The following PDE7A variants were observed in gnomAD, a reference collection of about 807,000 sequenced individuals.
The protein encoded by PDE7A is high affinity 3',5'-cyclic-AMP phosphodiesterase 7A.
In PDE7A, 39 loss-of-function variants were observed where a neutral mutation model predicts 64.3. The ratio of observed to expected loss-of-function variants is 0.61; its 90% confidence interval spans 0.47 to 0.79. PDE7A has a LOEUF of 0.79. PDE7A is among the 30% of genes least tolerant of loss of function. The pLI is 0.00. For synonymous variants in PDE7A, 203 were observed against 206.8 expected (o/e 0.98, Z 0.16); for missense variants, 470 against 582.8 (o/e 0.81, Z 1.99).
At chr8:65,810,949 C>T (rs929261017) in intron 1 of PDE7A, among the ~76,000 whole-genome samples, 2 of 152,056 alleles carry the variant, frequency 1.3e-5, no homozygotes, top group African/African-American at 2.4e-5. Flanking sequence ...TGCCCACATA[C>T]AACCAATTAG....
intron 9 of PDE7A, chr8:65,725,568 A>G (rs1480314781): frequency 2.0e-5 from 3 of 153,292 alleles, no homozygotes; most frequent in African/African-American, 7.2e-5. Context: ...ACTGCCTCAG[A>G]TCAATTAACA....
intron 1 of PDE7A, among the ~76,000 whole-genome samples, chr8:65,829,080 A>C (rs916251909): frequency 6.6e-6 from 1 of 152,114 alleles, no homozygotes; most frequent in African/African-American, 2.4e-5. Context: ...AAGAATTTAC[A>C]CAAAAAGTAA....
At chr8:65,756,807 T>C (rs1424883791) in intron 3 of PDE7A, among the ~76,000 whole-genome samples, 1 of 152,076 alleles carries the variant, frequency 6.6e-6, no homozygotes, top group Non-Finnish European at 1.5e-5. Flanking sequence ...TTCCTGTATG[T>C]TTTGTATTTT....
intron 1 of PDE7A, among the ~76,000 whole-genome samples, chr8:65,830,660 T>C (rs576830991): frequency 6.6e-6 from 1 of 152,274 alleles, no homozygotes; most frequent in South Asian, 2.1e-4. Flanking sequence ...GTTTTGATTG[T>C]CTACTGGACA....
chr8:65,757,616 G>C (rs902232695), intron 3 of PDE7A, among the ~76,000 whole-genome samples: 1 of 151,914 alleles, frequency 6.6e-6, no homozygotes, highest in African/African-American at 2.4e-5. Flanking sequence ...GTTTTGTTTT[G>C]TTTTGTTTTG....
At chr8:65,784,165 C>G (rs1330017984) in intron 1 of PDE7A, among the ~76,000 whole-genome samples, 1 of 152,020 alleles carries the variant, frequency 6.6e-6, no homozygotes, top group African/African-American at 2.4e-5. Flanking sequence ...GCTAGGATGG[C>G]ACCACTGCAC....
intron 1 of PDE7A, among the ~76,000 whole-genome samples, chr8:65,803,028 C>A (rs986422836): frequency 5.9e-5 from 9 of 152,190 alleles, no homozygotes; most frequent in African/African-American, 2.2e-4. Flanking sequence ...ATTGAAAGCT[C>A]CCTGAGGCTT....
chr8:65,748,766 G>C (rs1390971255), intron 3 of PDE7A, among the ~76,000 whole-genome samples: 1 of 152,050 alleles, frequency 6.6e-6, no homozygotes, highest in Non-Finnish European at 1.5e-5. Flanking sequence ...TGTGTATAAT[G>C]GCAATAATAT....
At chr8:65,737,743 T>C (rs1442355322) in intron 6 of PDE7A, among the ~76,000 whole-genome samples, 2 of 152,178 alleles carry the variant, frequency 1.3e-5, no homozygotes, top group Non-Finnish European at 2.9e-5. Context: ...GGTTTTGAAC[T>C]CCTGGCCTCA....
chr8:65,773,220 C>A (rs1456746888), intron 3 of PDE7A, among the ~76,000 whole-genome samples: 1 of 152,026 alleles, frequency 6.6e-6, no homozygotes, highest in African/African-American at 2.4e-5. Flanking sequence ...GAATTCCAAG[C>A]TGTGTGATAA....
chr8:65,818,611 T>C (rs1478134061), intron 1 of PDE7A, among the ~76,000 whole-genome samples: 1 of 152,162 alleles, frequency 6.6e-6, no homozygotes, highest in Admixed American at 6.5e-5. Flanking sequence ...CATTCAAAGT[T>C]CAGCCTGTTT....
At chr8:65,733,136 A>C (rs1806969880) in intron 7 of PDE7A, among the ~76,000 whole-genome samples, 1 of 152,216 alleles carries the variant, frequency 6.6e-6, no homozygotes, top group Admixed American at 6.5e-5. Context: ...GAGTATGTTA[A>C]GGATGAAAAG....
chr8:65,778,479 CAT>C (rs1809319775), intron 3 of PDE7A, among the ~76,000 whole-genome samples: 1 of 152,138 alleles, frequency 6.6e-6, no homozygotes, highest in Non-Finnish European at 1.5e-5. Context: ...CTGTCTGAAC[CAT>C]TCCAATCAAA....
At chr8:65,764,522 T>A (rs933132656) in intron 3 of PDE7A, among the ~76,000 whole-genome samples, 4 of 152,160 alleles carry the variant, frequency 2.6e-5, no homozygotes, top group Non-Finnish European at 4.4e-5. Flanking sequence ...AAAAATACTA[T>A]AATGAAGAAA....
chr8:65,773,007 C>CA (rs1192687882), intron 3 of PDE7A, among the ~76,000 whole-genome samples: 22 of 143,498 alleles, frequency 1.5e-4, no homozygotes, highest in East Asian at 4.0e-4. Context: ...GACTCTGTCT[C>CA]AAAAAAAAAA....
intron 1 of PDE7A, among the ~76,000 whole-genome samples, chr8:65,804,803 T>C (rs1474445994): frequency 6.6e-6 from 1 of 152,164 alleles, no homozygotes; most frequent in Non-Finnish European, 1.5e-5. Flanking sequence ...CCTCCCACAG[T>C]GCTGGGATTA....
At position 65,792,380 on chromosome 8, in the gene PDE7A, T is replaced by C. The variant is rs143946403; in HGVS notation, c.139-9537A>G. The stretch of plus-strand genomic sequence containing the variant: ...ATGAGTGTGATCAATAGGAAAAAAA[T>C]ATGACTTTGTTCATTGTTTCTTAGA... On this transcript the variant is annotated intron_variant, in intron 1 of 12. Transcript: ENST00000401827. Among the ~76,000 whole-genome samples the C allele has an allele frequency of 5.9e-3, 895 of 152,268 alleles. 9 individuals carry two copies. The highest frequency in any genetic ancestry group is 0.02 in the African/African-American group (846 of 41,552).
At chr8:65,729,326 A>G (rs1178008368) in intron 7 of PDE7A, among the ~76,000 whole-genome samples, 2 of 134,518 alleles carry the variant, frequency 1.5e-5, no homozygotes, top group African/African-American at 5.5e-5. Flanking sequence ...ATCATTTCCC[A>G]TTGTAATGGT....
chr8:65,758,803 G>T (rs1808354739), intron 3 of PDE7A, among the ~76,000 whole-genome samples: 1 of 152,096 alleles, frequency 6.6e-6, no homozygotes, highest in Non-Finnish European at 1.5e-5. Context: ...CTAAGCATTT[G>T]CATCTTCCAC....
Sources: gnomAD v4.1 joint callset for allele counts (sites outside exome capture counted in the v4.1 genomes callset) on GRCh38, gnomAD v4.1.1 for gene constraint, MANE v1.5 for transcripts, NCBI Gene and HGNC (gene_info 2026-07-23, HGNC 2026-07-21) for gene names.